Variants in HAUS7 observed in about 807,000 individuals in gnomAD.
HAUS7 encodes the protein HAUS augmin-like complex subunit 7.
In HAUS7, 3 loss-of-function variants were observed where a neutral mutation model predicts 28.4. The ratio of observed to expected loss-of-function variants is 0.11; its 90% confidence interval spans 0.05 to 0.27. The LOEUF is 0.27. Among genes scored for constraint, HAUS7 ranks in the 10% least tolerant of loss-of-function variants. The probability of loss-of-function intolerance (pLI) is 1.00; values close to 1 mark genes in which losing one functional copy is unlikely to be tolerated. For synonymous variants in HAUS7, 165 were observed against 132.1 expected (o/e 1.25, Z -1.71); for missense variants, 284 against 297.3 (o/e 0.96, Z 0.33).
chrX:153,488,844 A>G (rs782096623), intron 1 of HAUS7, among the ~76,000 whole-genome samples: 3 of 113,107 alleles, frequency 2.7e-5, no homozygotes, highest in Non-Finnish European at 5.6e-5. Context: ...CAGATGAGGC[A>G]GGTGGGGAGG....
chrX:153,481,685 C>T, intron 1 of HAUS7: 1 of 752,181 alleles, frequency 1.3e-6, no homozygotes, highest in Non-Finnish European at 1.6e-6. Flanking sequence ...ACCCCTGCAG[C>T]AGGGGTGAGA....
At chrX:153,490,978 C>T (rs1244830236) in intron 1 of HAUS7, among the ~76,000 whole-genome samples, 2 of 112,124 alleles carry the variant, frequency 1.8e-5, no homozygotes, top group African/African-American at 6.5e-5. Flanking sequence ...TCGGCTCTCC[C>T]TCTGTCTCTC....
intron 8 of HAUS7, chrX:153,455,259 G>A (rs2089290730): frequency 2.3e-6 from 1 of 436,505 alleles, no homozygotes; most frequent in Non-Finnish European, 4.0e-6. Flanking sequence ...CTGGAGGCTG[G>A]GACACGCAGG....
At chrX:153,488,965 T>G (rs2089655566) in intron 1 of HAUS7, among the ~76,000 whole-genome samples, 1 of 112,218 alleles carries the variant, frequency 8.9e-6, no homozygotes, top group Admixed American at 9.3e-5. Context: ...CCTGTGACCT[T>G]CCCAACTGGG....
At chrX:153,448,687 G>A (rs2089199019) in intron 9 of HAUS7, among the ~76,000 whole-genome samples, 1 of 112,590 alleles carries the variant, frequency 8.9e-6, no homozygotes, top group Non-Finnish European at 1.9e-5. Context: ...GATCCTCCTT[G>A]AGCCCCAGGC....
chrX:153,464,663 C>T (rs892168447), intron 3 of HAUS7, among the ~76,000 whole-genome samples: 21 of 112,564 alleles, frequency 1.9e-4, no homozygotes, highest in African/African-American at 5.8e-4. Context: ...AGGCAAGCTC[C>T]GCTGGAGAGC....
chrX:153,451,108 G>A (rs149295379), intron 9 of HAUS7, among the ~76,000 whole-genome samples: 1,382 of 112,117 alleles, frequency 0.012, 12 homozygotes, highest in Middle Eastern at 0.042. Flanking sequence ...GGGGCTCAAG[G>A]GTGAAGAGAC....
chrX:153,466,804 A>C (rs782055774), intron 2 of HAUS7, among the ~76,000 whole-genome samples: 2 of 112,254 alleles, frequency 1.8e-5, no homozygotes, highest in Non-Finnish European at 3.8e-5. Context: ...ATGCTCCAAA[A>C]TCCTAAACTT....
At chrX:153,481,990 GGTGA>G in intron 1 of HAUS7, 1 of 553,222 alleles carries the variant, frequency 1.8e-6, no homozygotes, top group Non-Finnish European at 2.2e-6. Flanking sequence ...GCAGGTCCCA[GGTGA>G]CCTGAGGCAT....
chrX:153,469,347 A>C (rs1602943100), intron 1 of HAUS7, 86 bp from the exon 2 acceptor site: 2 of 475,749 alleles, frequency 4.2e-6, no homozygotes, highest in Non-Finnish European at 7.3e-6. Context: ...TTTGAGACGG[A>C]GTCTCACTCT....
At chrX:153,462,080 A>C (rs1556983505) in intron 4 of HAUS7, 1 of 989,341 alleles carries the variant, frequency 1.0e-6, no homozygotes. Flanking sequence ...TCAGATATAA[A>C]AAAAAGAAAA....
upstream of HAUS7, among the ~76,000 whole-genome samples, chrX:153,474,527 G>A (rs2089549187): frequency 1.8e-5 from 2 of 111,952 alleles, no homozygotes; most frequent in Non-Finnish European, 3.8e-5. Flanking sequence ...GAGGCCAGAG[G>A]CAGTTGTAGG....
intron 1 of HAUS7, among the ~76,000 whole-genome samples, chrX:153,475,997 G>C (rs1431304835): frequency 9.3e-6 from 1 of 107,448 alleles, no homozygotes; most frequent in Non-Finnish European, 1.9e-5. Context: ...CTACCCTTAT[G>C]CCCCCAGTAC....
At chrX:153,460,170 C>T (rs979966332) in intron 4 of HAUS7, among the ~76,000 whole-genome samples, 3 of 112,295 alleles carry the variant, frequency 2.7e-5, no homozygotes, top group African/African-American at 9.7e-5. Flanking sequence ...AGTGAGGAAG[C>T]CAGGCACCAA....
At chrX:153,452,639 ATGC>A (rs1446288479) in intron 9 of HAUS7, among the ~76,000 whole-genome samples, 1 of 112,303 alleles carries the variant, frequency 8.9e-6, no homozygotes, top group Non-Finnish European at 1.9e-5. Flanking sequence ...TTCAGTTAGG[ATGC>A]TAACTGTAAT....
chrX:153,488,179 G>A (rs1436642891), intron 1 of HAUS7, among the ~76,000 whole-genome samples: 1 of 113,017 alleles, frequency 8.8e-6, no homozygotes, highest in African/African-American at 3.2e-5. Context: ...TCTAACTTGT[G>A]AGCCTCCAGC....
chrX:153,494,168 G>GTGGGGTAACCCGGTTAGCCCCCGTA (rs2124202805), intron 1 of HAUS7, among the ~76,000 whole-genome samples: 1 of 112,021 alleles, frequency 8.9e-6, no homozygotes, highest in South Asian at 3.8e-4. Flanking sequence ...CTGAGTCTTG[G>GTGGGGTAACCCGGTTAGCCCCCGTA]TGGGGTAACC....
intron 1 of HAUS7, among the ~76,000 whole-genome samples, chrX:153,489,274 C>T (rs1485476985): frequency 8.9e-6 from 1 of 112,390 alleles, no homozygotes; most frequent in African/African-American, 3.2e-5. Context: ...AATCTCTAGA[C>T]AGAGCCCCAG....
chrX:153,486,769 G>A lies in HAUS7; in HGVS notation c.-589+8605C>T, dbSNP rs1197478206. 1.1e-5 allele frequency: 11 copies of A among 981,298 alleles called. No homozygotes were observed. In the East Asian group the frequency reaches 5.3e-4, roughly 47 times the overall value. The allele number at this position is 981,298 out of a possible 1,213,427, so 80.9% of individuals were successfully genotyped here. On this transcript the variant is annotated intron_variant, in intron 1 of 5. Coordinates refer to the HAUS7 transcript ENST00000370210. ...CTCCTGCACCCGAGCCTATCACAGCGTGGTCCTCCAGCCCCAGCGGCGGGG... is the reference window on the plus strand; with the variant it reads ...CTCCTGCACCCGAGCCTATCACAGCATGGTCCTCCAGCCCCAGCGGCGGGG...
Sources: gnomAD v4.1 joint callset for allele counts (sites outside exome capture counted in the v4.1 genomes callset) on GRCh38, gnomAD v4.1.1 for gene constraint, MANE v1.5 for transcripts, NCBI Gene and HGNC (gene_info 2026-07-23, HGNC 2026-07-21) for gene names.